The following KIF16B variants were observed in gnomAD, a reference collection of about 807,000 sequenced individuals.
KIF16B encodes the protein kinesin-like protein KIF16B.
KIF16B carries 98 observed loss-of-function variants against 156.3 expected under a neutral mutation model. That is an observed-to-expected ratio of 0.63 (90% CI 0.53 to 0.74). The LOEUF (loss-of-function observed/expected upper bound fraction) is 0.74. Among genes scored for constraint, KIF16B ranks in the 30% least tolerant of loss-of-function variants. The pLI is 0.00. For synonymous variants in KIF16B, 564 were observed against 583.7 expected (o/e 0.97, Z 0.49); for missense variants, 1,421 against 1,606.5 (o/e 0.88, Z 1.97).
chr20:16,338,378 G>T (rs1164113899), intron 23 of KIF16B, among the ~76,000 whole-genome samples: 2 of 152,086 alleles, frequency 1.3e-5, no homozygotes, highest in Non-Finnish European at 2.9e-5. Flanking sequence ...CCTCCTCCTT[G>T]CAGGCAGCCA....
intron 12 of KIF16B, among the ~76,000 whole-genome samples, chr20:16,462,123 C>T (rs6043964): frequency 6.6e-6 from 1 of 152,118 alleles, no homozygotes; most frequent in African/African-American, 2.4e-5. Context: ...CGCCTGTAGT[C>T]CCAGCTACTC....
intron 14 of KIF16B, 55 bp from the exon 15 acceptor site, chr20:16,427,296 T>C: frequency 6.9e-7 from 1 of 1,458,278 alleles, no homozygotes; most frequent in Non-Finnish European, 9.4e-7. Context: ...ACTGCAATGA[T>C]TCCCAGCTAT....
At chr20:16,459,315 C>T (rs888655805) in intron 12 of KIF16B, among the ~76,000 whole-genome samples, 2 of 152,174 alleles carry the variant, frequency 1.3e-5, no homozygotes, top group Admixed American at 1.3e-4. Flanking sequence ...CATTAATATA[C>T]TTAATCAACA....
chr20:16,550,678 T>C (rs1001918250), intron 1 of KIF16B, among the ~76,000 whole-genome samples: 3 of 151,684 alleles, frequency 2.0e-5, no homozygotes, highest in Non-Finnish European at 4.4e-5. Context: ...AGACTACAGG[T>C]ACATGCCACC....
At chr20:16,309,320 A>G (rs2063585924) in intron 25 of KIF16B, among the ~76,000 whole-genome samples, 1 of 152,190 alleles carries the variant, frequency 6.6e-6, no homozygotes, top group East Asian at 1.9e-4. Context: ...TCTTACCATC[A>G]TCACATTCTT....
intron 12 of KIF16B, among the ~76,000 whole-genome samples, chr20:16,451,925 G>T (rs1188102315): frequency 6.6e-6 from 1 of 152,106 alleles, no homozygotes; most frequent in Non-Finnish European, 1.5e-5. Context: ...CTTCCTTCTT[G>T]TCCTAAAAAG....
At chr20:16,276,079 G>A (rs1310701086) in intron 25 of KIF16B, among the ~76,000 whole-genome samples, 1 of 152,184 alleles carries the variant, frequency 6.6e-6, no homozygotes, top group Non-Finnish European at 1.5e-5. Context: ...TGTGGGCTCC[G>A]GCTTCAGGTC....
chr20:16,476,423 A>G lies in KIF16B; in HGVS notation c.1302+17868T>C, dbSNP rs1311867936. Among the ~76,000 whole-genome samples, 3 of 152,232 alleles carry G rather than the reference A, an allele frequency of 2.0e-5. No homozygotes were observed. In the East Asian group the frequency reaches 5.8e-4, roughly 29 times the overall value. ...ATAGTTTTGTTTTAAATGCAAACAT[A>G]TCTTTACTTACTAACAGCAGACTGG... On this transcript the variant is annotated intron_variant, in intron 12 of 25. Transcript: ENST00000354981.
chr20:16,273,035 T>C lies in KIF16B; in HGVS notation c.*218A>G. 1 of 539,546 alleles carries C rather than the reference T, an allele frequency of 1.9e-6. No individual in the cohort carries two copies. The highest frequency in any genetic ancestry group is 3.3e-6 in the Non-Finnish European group (1 of 300,698). The allele number at this position is 539,546 out of a possible 1,614,324, so 33.4% of individuals were successfully genotyped here. A position where few individuals can be genotyped will look rare whatever the true frequency, so the allele number is the denominator to read the frequency against. On this transcript the variant is annotated 3_prime_UTR_variant, in exon 26 of 26. Coordinates refer to ENST00000354981, the MANE Select transcript of KIF16B (RefSeq NM_024704.5). The stretch of plus-strand genomic sequence containing the variant: ...GCCACGTTCAACCGCAATGGAACGG[T>C]AACGGCTGCCTGTCAGGGCCACATC...
At chr20:16,290,656 T>C (rs1157156992) in intron 25 of KIF16B, among the ~76,000 whole-genome samples, 1 of 152,170 alleles carries the variant, frequency 6.6e-6, no homozygotes. Context: ...CTGCCCTGTG[T>C]CCCTTGGGGG....
At chr20:16,369,687 A>C (rs1377010552) in intron 22 of KIF16B, among the ~76,000 whole-genome samples, 2 of 152,252 alleles carry the variant, frequency 1.3e-5, no homozygotes, top group African/African-American at 4.8e-5. Context: ...TGGCAAGGCC[A>C]AAAGAAATGC....
At chr20:16,462,616 G>A (rs142101013) in intron 12 of KIF16B, among the ~76,000 whole-genome samples, 23 of 152,224 alleles carry the variant, frequency 1.5e-4, no homozygotes, top group African/African-American at 4.1e-4. Context: ...AGAGCAAAGC[G>A]AACAGGAGGA....
chr20:16,342,994 A>T (rs1428649659), intron 23 of KIF16B, among the ~76,000 whole-genome samples: 1 of 152,242 alleles, frequency 6.6e-6, no homozygotes, highest in Non-Finnish European at 1.5e-5. Context: ...TTTCTGTCCC[A>T]AATTAAAATT....
At chr20:16,400,604 C>T (rs922361975) in intron 17 of KIF16B, among the ~76,000 whole-genome samples, 1 of 152,124 alleles carries the variant, frequency 6.6e-6, no homozygotes, top group Non-Finnish European at 1.5e-5. Flanking sequence ...AAGGTGAAAA[C>T]AATCAAAGAG....
chr20:16,317,837 T>A (rs538471008), intron 24 of KIF16B, among the ~76,000 whole-genome samples: 1 of 152,184 alleles, frequency 6.6e-6, no homozygotes, highest in East Asian at 1.9e-4. Context: ...GAGAAAAAGA[T>A]CAGGATGCAA....
intron 12 of KIF16B, among the ~76,000 whole-genome samples, chr20:16,452,791 C>T (rs1264227239): frequency 2.2e-4 from 33 of 150,226 alleles, no homozygotes; most frequent in African/African-American, 5.9e-4. Context: ...GCCGAGATCG[C>T]GCCACTGCAC....
intron 24 of KIF16B, among the ~76,000 whole-genome samples, chr20:16,314,331 G>A (rs998514386): frequency 2.0e-5 from 3 of 152,198 alleles, no homozygotes; most frequent in African/African-American, 7.2e-5. Flanking sequence ...AGGTGTCTTT[G>A]ATGACTTTAT....
At chr20:16,409,378 G>A (rs536155570) in intron 15 of KIF16B, among the ~76,000 whole-genome samples, 116 of 152,112 alleles carry the variant, frequency 7.6e-4, no homozygotes, top group African/African-American at 2.6e-3. Flanking sequence ...TTGAGAAGGA[G>A]GGAGAAAGTG....
intron 21 of KIF16B, 62 bp from the exon 22 acceptor site, chr20:16,370,698 G>A: frequency 2.5e-6 from 3 of 1,207,862 alleles, no homozygotes; most frequent in Middle Eastern, 4.6e-4. Flanking sequence ...GCGGGGGACT[G>A]ATTCGATTAC....
Sources: allele counts gnomAD v4.1 joint callset (sites outside exome capture counted in the v4.1 genomes callset), GRCh38; gene constraint gnomAD v4.1.1; transcripts MANE v1.5; gene names NCBI Gene and HGNC (gene_info 2026-07-23, HGNC 2026-07-21).